CYP2C18: variants seen among roughly 807,000 people sequenced by gnomAD.
CYP2C18 encodes the protein cytochrome P450 family 2 subfamily C member 18.
In CYP2C18, 38 loss-of-function variants were observed where a neutral mutation model predicts 41.3. That is an observed-to-expected ratio of 0.92 (90% confidence interval 0.71 to 1.21). CYP2C18 has a LOEUF of 1.21. Ranked by LOEUF, CYP2C18 falls within the 50% of genes most tolerant of loss-of-function variation. The pLI is 0.00. For missense variants in CYP2C18, 635 were observed against 591.4 expected (o/e 1.07, Z -0.77); for synonymous variants, 236 against 210.0 (o/e 1.12, Z -1.07).
At chr10:94,687,744 A>G (rs777421434) in intron 1 of CYP2C18, 26 bp from the exon 2 acceptor site, 11 of 1,601,990 alleles carry the variant, frequency 6.9e-6, no homozygotes, top group Non-Finnish European at 9.4e-6. Context: ...TTTTGCTACT[A>G]TTTGAACCTC....
At chr10:94,697,733 A>G (rs1007099787) in intron 4 of CYP2C18, among the ~76,000 whole-genome samples, 3 of 152,178 alleles carry the variant, frequency 2.0e-5, no homozygotes, top group Non-Finnish European at 4.4e-5. Flanking sequence ...ATTCAGGAGA[A>G]CAATCTCATG....
intron 4 of CYP2C18, among the ~76,000 whole-genome samples, chr10:94,698,703 T>G (rs183743459): frequency 2.8e-4 from 42 of 151,992 alleles, no homozygotes; most frequent in East Asian, 1.4e-3. Context: ...CTGGTTTTTT[T>G]AAAAGATCAA....
At chr10:94,706,721 T>C in intron 4 of CYP2C18, 63 bp from the exon 5 acceptor site, 1 of 909,436 alleles carries the variant, frequency 1.1e-6, no homozygotes, top group Non-Finnish European at 1.6e-6. Context: ...AACCAGCAGT[T>C]GACTTATGGC....
chr10:94,688,767 G>A (rs1846943401), intron 3 of CYP2C18, among the ~76,000 whole-genome samples: 1 of 152,164 alleles, frequency 6.6e-6, no homozygotes, highest in Non-Finnish European at 1.5e-5. Context: ...CATGAATTTA[G>A]AAGGTTTTGT....
chr10:94,719,216 A>G (rs914870202), intron 5 of CYP2C18, among the ~76,000 whole-genome samples: 2 of 152,004 alleles, frequency 1.3e-5, no homozygotes, highest in Non-Finnish European at 2.9e-5. Flanking sequence ...TTCTATTTCT[A>G]TCAATTAAGA....
intron 4 of CYP2C18, among the ~76,000 whole-genome samples, chr10:94,696,775 A>G (rs201854623): frequency 4.6e-5 from 7 of 152,246 alleles, no homozygotes; most frequent in Non-Finnish European, 8.8e-5. Flanking sequence ...CAATGCAGAA[A>G]AGTCCTTAAA....
chr10:94,722,162 A>G, intron 6 of CYP2C18, among the ~76,000 whole-genome samples: 1 of 152,172 alleles, frequency 6.6e-6, no homozygotes, highest in East Asian at 1.9e-4. Flanking sequence ...AGTATTTTAA[A>G]CACTTAGGTG....
intron 3 of CYP2C18, 75 bp from the exon 4 acceptor site, chr10:94,694,842 C>T: frequency 6.7e-7 from 1 of 1,499,732 alleles, no homozygotes; most frequent in Non-Finnish European, 9.1e-7. Flanking sequence ...TCTAAAAATA[C>T]TTTTTCCTGT....
chr10:94,686,113 G>C (rs1209595207), intron 1 of CYP2C18, among the ~76,000 whole-genome samples: 1 of 151,772 alleles, frequency 6.6e-6, no homozygotes, highest in Non-Finnish European at 1.5e-5. Flanking sequence ...TCTCTTCCTT[G>C]ATTAAATTTA....
chr10:94,725,950 T>C (rs1847732715), intron 7 of CYP2C18, among the ~76,000 whole-genome samples: 1 of 152,124 alleles, frequency 6.6e-6, no homozygotes, highest in Admixed American at 6.6e-5. Flanking sequence ...ATGTTCTGTA[T>C]TGTGGTTGTT....
Position 94,694,923 on chromosome 10 carries a change from C to T in CYP2C18, c.488C>T (p.Pro163Leu). ...AATATTTCCAATCCTTTAGCCTCAC[C>T]CTGTGATCCCACTTTCATCCTGGGC... ...VEELRKTNASPCDPTFILGCA... is the reference protein window; with the variant it reads ...VEELRKTNASLCDPTFILGCA... The change falls in exon 4 of 9, where the codon CCC (proline) becomes CTC (leucine). Residue 163 changes from proline to leucine, a missense_variant. Coordinates refer to ENST00000285979, the MANE Select transcript of CYP2C18 (RefSeq NM_000772.3). The T allele has an allele frequency of 2.5e-6, 4 of 1,611,696 alleles. No individual in the cohort carries two copies. The highest frequency in any genetic ancestry group is 3.4e-6 in the Non-Finnish European group (4 of 1,179,440).
chr10:94,715,966 T>C (rs1847534595), intron 5 of CYP2C18, among the ~76,000 whole-genome samples: 1 of 152,204 alleles, frequency 6.6e-6, no homozygotes, highest in Non-Finnish European at 1.5e-5. Flanking sequence ...CTAATTTATT[T>C]GCGTAGAGGT....
At position 94,717,943 on chromosome 10, in the gene CYP2C18, G is replaced by A. The variant is rs150579865; in HGVS notation, c.820-2453G>A. Among the ~76,000 whole-genome samples the A allele has an allele frequency of 4.1e-4, 63 of 152,028 alleles. 1 individual carries two copies. The highest frequency in any genetic ancestry group is 1.3e-3 in the African/African-American group (55 of 41,478). ...TTGCCTTGGCTATTTGGGTATTTTT[G>A]TGGTTCTATATGAATTTTTTGGGGA... On this transcript the variant is annotated intron_variant, in intron 5 of 8. Transcript: ENST00000285979.
In CYP2C18 at chr10:94,735,420, C is replaced by T. The variant is rs1314416847; in HGVS notation, c.1449C>T (p.Tyr483=). 1.2e-6 allele frequency: 2 copies of T among 1,613,608 alleles called. No homozygotes were observed. The highest frequency in any genetic ancestry group is 4.5e-5 in the East Asian group (2 of 44,862). The change falls in exon 9 of 9, where the codon TAC becomes TAT. Residue 483 remains tyrosine (Y), a synonymous_variant. Transcript: ENST00000285979. ...ANAFGRVPPL[Y]QLCFIPV is the part of the protein sequence containing the mutation. ...CATTTGGTCGTGTGCCACCCTTGTA[C>T]CAGCTCTGCTTCATTCCTGTCTGAA...
At position 94,688,223 on chromosome 10, in the gene CYP2C18, C is replaced by G; in HGVS notation, c.430C>G (p.Arg144Gly). The G allele has an allele frequency of 6.2e-7, 1 of 1,613,360 alleles. No homozygotes were observed. The highest frequency in any genetic ancestry group is 1.1e-5 in the South Asian group (1 of 91,022). Residue 144 changes from arginine to glycine, a missense_variant, in exon 3 of 9, where the codon CGT becomes GGT. Coordinates refer to ENST00000285979, the MANE Select transcript of CYP2C18 (RefSeq NM_000772.3). ...GATGGGGAAGAGGAGCATCGAGGAC[C>G]GTGTTCAAGAGGAAGCCCGCTGCCT... ...FGMGKRSIEDRVQEEARCLVE... is the reference protein window; with the variant it reads ...FGMGKRSIEDGVQEEARCLVE...
intron 5 of CYP2C18, among the ~76,000 whole-genome samples, chr10:94,717,456 G>T (rs12784219): frequency 0.18 from 26,857 of 152,000 alleles, 2,620 homozygotes; most frequent in South Asian, 0.33. Flanking sequence ...AGTTTGGCTG[G>T]ATATGAAATT....
At chr10:94,700,061 T>C (rs1399291596) in intron 4 of CYP2C18, among the ~76,000 whole-genome samples, 1 of 152,160 alleles carries the variant, frequency 6.6e-6, no homozygotes, top group African/African-American at 2.4e-5. Context: ...CCCAAGGTAA[T>C]TTATAGATTC....
intron 5 of CYP2C18, among the ~76,000 whole-genome samples, chr10:94,713,228 AT>A (rs2134195857): frequency 6.6e-6 from 1 of 152,138 alleles, no homozygotes; most frequent in Admixed American, 6.5e-5. Flanking sequence ...CATGTGCACA[AT>A]GTGCAGGTTT....
chr10:94,712,785 C>T (rs1847462095), intron 5 of CYP2C18, among the ~76,000 whole-genome samples: 2 of 152,144 alleles, frequency 1.3e-5, no homozygotes, highest in African/African-American at 4.8e-5. Flanking sequence ...ATAATGGTTG[C>T]ACTAACTTAC....
Sources: allele counts gnomAD v4.1 joint callset (sites outside exome capture counted in the v4.1 genomes callset), GRCh38; gene constraint gnomAD v4.1.1; transcripts MANE v1.5; gene names NCBI Gene and HGNC (gene_info 2026-07-23, HGNC 2026-07-21).